TRAPPC3L: variants seen among roughly 807,000 people sequenced by gnomAD.
The protein encoded by TRAPPC3L is trafficking protein particle complex subunit 3L, also known as trafficking protein particle complex subunit 3-like protein.
In TRAPPC3L, 23 loss-of-function variants were observed where a neutral mutation model predicts 23.7. The ratio of observed to expected loss-of-function variants is 0.97; its 90% CI spans 0.70 to 1.37. The LOEUF (loss-of-function observed/expected upper bound fraction) is 1.37. Among genes scored for constraint, TRAPPC3L ranks in the 40% most tolerant of loss-of-function variants. The pLI, the probability that TRAPPC3L is intolerant of heterozygous loss-of-function variation, is 0.00. For missense variants in TRAPPC3L, 212 were observed against 216.8 expected (o/e 0.98, Z 0.14); for synonymous variants, 81 against 77.9 (o/e 1.04, Z -0.21).
At chr6:116,522,104 A>G (rs993400200) in intron 3 of TRAPPC3L, 5 of 152,258 alleles carry the variant, frequency 3.3e-5, no homozygotes, top group Admixed American at 3.3e-4. Flanking sequence ...CATGTGAATG[A>G]AGGAGCCATT....
At position 116,500,466 on chromosome 6, in the gene TRAPPC3L, C is replaced by T. The variant is rs1376782913; in HGVS notation, c.426+15G>A. The T allele has an allele frequency of 3.2e-6, 5 of 1,540,526 alleles. No individual in the cohort carries two copies. The Admixed American group carries it at 8.3e-5, about 25-fold the overall frequency. On this transcript the variant is annotated intron_variant, in intron 4 of 4. Transcript: ENST00000368602. The stretch of plus-strand genomic sequence containing the variant: ...TAAGAGATTCTTCATTCATTCTTCA[C>T]TTATTCAACTTTACCATTTCCAAGG...
intron 3 of TRAPPC3L, among the ~76,000 whole-genome samples, chr6:116,509,626 T>C (rs1184464520): frequency 2.6e-5 from 4 of 152,140 alleles, no homozygotes; most frequent in Admixed American, 2.6e-4. Flanking sequence ...TAGCAACATG[T>C]ACAGGAATGA....
chr6:116,542,956 CT>C (rs1336385285), intron 2 of TRAPPC3L, among the ~76,000 whole-genome samples: 2 of 152,128 alleles, frequency 1.3e-5, no homozygotes, highest in East Asian at 3.9e-4. Context: ...GAACAAAAGA[CT>C]TCTGAAAAGA....
rs559439024 is a variant in TRAPPC3L at position 116,496,092 on chromosome 6, T to C, written c.*862A>G. 1.3e-5 allele frequency: 2 copies of C among 152,336 alleles called. No homozygotes were observed. Among genetic ancestry groups the C allele is most frequent in the South Asian group, 4.1e-4 (2 of 4,826 alleles). 9.4% of individuals were successfully genotyped at this position (152,336 alleles called of 1,614,324 possible). ...TTGTGTGCCAGTGGTCTGGTGAAGA[T>C]TACTGTGTATTTAATTCGGTACACT... On this transcript the variant is annotated 3_prime_UTR_variant, in exon 5 of 5. Transcript: ENST00000368602.
intron 3 of TRAPPC3L, among the ~76,000 whole-genome samples, chr6:116,533,605 T>G (rs1583284888): frequency 6.6e-6 from 1 of 152,236 alleles, no homozygotes; most frequent in South Asian, 2.1e-4. Context: ...GCTCGGCTCA[T>G]GCCTTCTGTA....
chr6:116,515,493 A>G (rs977554994), intron 3 of TRAPPC3L: 20 of 1,129,220 alleles, frequency 1.8e-5, no homozygotes, highest in Admixed American at 7.3e-5. Flanking sequence ...CAAATGAGGT[A>G]TGTCAAAGAC....
intron 2 of TRAPPC3L, among the ~76,000 whole-genome samples, chr6:116,542,033 A>G (rs897459130): frequency 1.3e-5 from 2 of 152,198 alleles, no homozygotes; most frequent in Admixed American, 1.3e-4. Context: ...AACCAAAGGT[A>G]TTTTTGTAGT....
chr6:116,541,744 A>G (rs1001705418), intron 2 of TRAPPC3L, among the ~76,000 whole-genome samples: 7 of 152,182 alleles, frequency 4.6e-5, no homozygotes, highest in Non-Finnish European at 1.0e-4. Context: ...AGTGTTTTCT[A>G]ATTCTCACTT....
chr6:116,526,601 C>T (rs752164946), intron 3 of TRAPPC3L, among the ~76,000 whole-genome samples: 2 of 152,104 alleles, frequency 1.3e-5, no homozygotes, highest in South Asian at 2.1e-4. Flanking sequence ...AACCCTTGCC[C>T]GGGAGTACCA....
intron 3 of TRAPPC3L, chr6:116,518,047 T>G (rs1772261762): frequency 6.6e-6 from 1 of 152,272 alleles, no homozygotes; most frequent in Non-Finnish European, 1.5e-5. Context: ...GTTTCTGAGT[T>G]ATATTATTTT....
chr6:116,525,449 T>C (rs1772427183), intron 3 of TRAPPC3L, among the ~76,000 whole-genome samples: 1 of 152,174 alleles, frequency 6.6e-6, no homozygotes, highest in Non-Finnish European at 1.5e-5. Flanking sequence ...TAGATAAAAA[T>C]GACAATTGAT....
At position 116,496,457 on chromosome 6, in the gene TRAPPC3L, T is replaced by G. The variant is rs1771834365; in HGVS notation, c.*497A>C. The G allele has an allele frequency of 6.6e-6, 1 of 152,228 alleles. No homozygotes were observed. The highest frequency in any genetic ancestry group is 2.1e-4 in the South Asian group (1 of 4,834). 9.4% of individuals were successfully genotyped at this position (152,228 alleles called of 1,614,324 possible). Reference sequence around the variant, plus strand: ...AGAAGGCTAAAGCTATAAGCCAAGCTAATACATGAGAAAAATCAAATCATA... The same window carrying G: ...AGAAGGCTAAAGCTATAAGCCAAGCGAATACATGAGAAAAATCAAATCATA... On this transcript the variant is annotated 3_prime_UTR_variant, in exon 5 of 5. Coordinates refer to ENST00000368602, the MANE Select transcript of TRAPPC3L (RefSeq NM_001139444.3).
In TRAPPC3L at chr6:116,511,183, GAT is replaced by G. The variant is rs59420398; in HGVS notation, c.241-10519_241-10518del. 2.1e-3 allele frequency among the ~76,000 whole-genome samples: 300 copies of G among 141,482 alleles called. 1 individual carries two copies. Among genetic ancestry groups the G allele is most frequent in the African/African-American group, 6.5e-3 (251 of 38,824 alleles). The allele number at this position is 141,482 out of a possible 152,430, so 92.8% of individuals were successfully genotyped here. Reference sequence around the variant, plus strand: ...ACCCACTTGTGCTCCAAAAGCTATTGATATATATATATATATATAATTTTCAT... The same window carrying G: ...ACCCACTTGTGCTCCAAAAGCTATTGATATATATATATATATAATTTTCAT... On this transcript the variant is annotated intron_variant, in intron 3 of 4. Transcript: ENST00000368602.
In TRAPPC3L at chr6:116,545,657, GC is replaced by G. The variant is rs1297314956; in HGVS notation, c.-144del. On this transcript the variant is annotated 5_prime_UTR_variant, in exon 1 of 5. Transcript: ENST00000368602. ...AGGAGTGCTGCTTCTGCACTCTGCT[GC>G]TTTTGCTCTTTGCTGAGCTGAAGAG... 5 of 590,536 alleles carry G rather than the reference GC, an allele frequency of 8.5e-6. No individual in the cohort carries two copies. Among genetic ancestry groups the G allele is most frequent in the Non-Finnish European group, 1.4e-5 (5 of 359,992 alleles). 36.6% of individuals were successfully genotyped at this position (590,536 alleles called of 1,614,324 possible).
At chr6:116,515,538 T>C in intron 3 of TRAPPC3L, 4 of 1,505,838 alleles carry the variant, frequency 2.7e-6, no homozygotes, top group Non-Finnish European at 3.6e-6. Context: ...TTCTCAATAA[T>C]ACCCCAGCTC....
intron 3 of TRAPPC3L, among the ~76,000 whole-genome samples, chr6:116,530,627 C>T (rs1356294834): frequency 6.6e-6 from 1 of 152,120 alleles, no homozygotes. Flanking sequence ...TGCTAATGGT[C>T]TAAAATATTT....
intron 3 of TRAPPC3L, among the ~76,000 whole-genome samples, chr6:116,514,325 G>C (rs1306818696): frequency 6.6e-6 from 1 of 152,196 alleles, no homozygotes; most frequent in Non-Finnish European, 1.5e-5. Flanking sequence ...GACGATGAAG[G>C]AAGGAGGAAC....
At position 116,494,994 on chromosome 6, in the gene TRAPPC3L, CAG is replaced by C. The variant is rs1771813858; in HGVS notation, c.*1958_*1959del. 2.2e-5 allele frequency: 1 copy of C among 45,880 alleles called. No individual in the cohort carries two copies. Among genetic ancestry groups the C allele is most frequent in the Non-Finnish European group, 4.3e-5 (1 of 23,234 alleles). The allele number at this position is 45,880 out of a possible 1,614,324, so 2.8% of individuals were successfully genotyped here. ...TTTTTTTTTTTTTTTTTTGTAGAGA[CAG>C]GGGTCTATGTTACCCAAGCTGGTCT... On this transcript the variant is annotated 3_prime_UTR_variant, in exon 5 of 5. Coordinates refer to ENST00000368602, the MANE Select transcript of TRAPPC3L (RefSeq NM_001139444.3).
At chr6:116,543,812 T>C (rs1393638702) in intron 1 of TRAPPC3L, 4 of 1,534,226 alleles carry the variant, frequency 2.6e-6, no homozygotes, top group Middle Eastern at 3.3e-4. Context: ...GCACAATCCC[T>C]AATGGCCCCC....
Sources: allele counts gnomAD v4.1 joint callset (sites outside exome capture counted in the v4.1 genomes callset), GRCh38; gene constraint gnomAD v4.1.1; transcripts MANE v1.5; gene names NCBI Gene and HGNC (gene_info 2026-07-23, HGNC 2026-07-21).